The following PIGO variants were observed in gnomAD, a reference collection of about 807,000 sequenced individuals.
PIGO encodes the protein GPI ethanolamine phosphate transferase 3, catalytic subunit.
PIGO carries 66 observed loss-of-function variants against 86.9 expected under a neutral mutation model. That is an observed-to-expected ratio of 0.76 (90% CI 0.62 to 0.93). The LOEUF (loss-of-function observed/expected upper bound fraction) is 0.93. Ranked by LOEUF, PIGO falls within the 40% of genes least tolerant of loss-of-function variation. The pLI is 0.00. For synonymous variants in PIGO, 570 were observed against 556.4 expected (o/e 1.02, Z -0.34); for missense variants, 1,202 against 1,359.1 (o/e 0.88, Z 1.82).
rs1311786665 is a variant in PIGO at position 35,090,651 on chromosome 9, T to C, written c.2669A>G (p.Gln890Arg). The C allele has an allele frequency of 1.2e-6, 2 of 1,614,124 alleles. No individual in the cohort carries two copies. The highest frequency in any genetic ancestry group is 2.2e-5 in the South Asian group (2 of 91,084). The change falls in exon 8 of 11, where the codon CAG becomes CGG. Residue 890 changes from glutamine to arginine, a missense_variant. Gln to Arg is a conservative substitution (Grantham distance 43). Coordinates refer to ENST00000378617, the MANE Select transcript of PIGO (RefSeq NM_032634.4). ...TTPGPFTVPW[Q>R]AVSAWALMAT... ...CATGAGGGCCCAAGCCGAGACTGCC[T>C]GCCATGGCACAGTAAAAGGACCTGG...
intron 9 of PIGO, chr9:35,089,817 T>C (rs1386467382): frequency 7.1e-6 from 10 of 1,402,852 alleles, no homozygotes; most frequent in Non-Finnish European, 7.4e-6. Flanking sequence ...TGTCCACTGA[T>C]AGAGTAATCC....
In PIGO at chr9:35,092,631, G is replaced by A. The variant is rs777439274; in HGVS notation, c.1256C>T (p.Ala419Val). Reference sequence around the variant, plus strand: ...CTCAGCAATCACAGTCGGCAGTGTCGCCTCAGCCCCCTTGGGGCTCTGGAG... The same window carrying A: ...CTCAGCAATCACAGTCGGCAGTGTCACCTCAGCCCCCTTGGGGCTCTGGAG... The part of the protein sequence containing the change: ...WLLQSPKGAE[A>V]TLPTVIAELQ... Residue 419 changes from alanine (A) to valine (V), a missense_variant, in exon 7 of 11, where the codon GCG becomes GTG. Coordinates refer to ENST00000378617, the MANE Select transcript of PIGO (RefSeq NM_032634.4). 8.7e-6 allele frequency: 14 copies of A among 1,614,104 alleles called. No individual in the cohort carries two copies. The highest frequency in any genetic ancestry group is 1.1e-5 in the South Asian group (1 of 91,094).
chr9:35,091,445 CCT>C lies in PIGO; in HGVS notation c.2440_2441del (p.Arg814AspfsTer151). 1.4e-5 allele frequency: 22 copies of C among 1,614,204 alleles called. No homozygotes were observed. Among genetic ancestry groups the C allele is most frequent in the Non-Finnish European group, 1.8e-5 (21 of 1,180,030 alleles). On this transcript the variant is annotated frameshift_variant, in exon 7 of 11. Coordinates refer to ENST00000378617, the MANE Select transcript of PIGO (RefSeq NM_032634.4). LOFTEE classifies it high-confidence loss of function. ...CAGTCAGGGGACCCTGAGATTTGGT[CCT>C]CTCTAACCGGCCCCGGAACTCCTCC... ...MQEEFRGRLE[R>X]TKSQGPLTVA...
chr9:35,095,327 A>G lies in PIGO; in HGVS notation c.239T>C (p.Phe80Ser). The change falls in exon 2 of 11, where the codon TTT becomes TCT. Residue 80 changes from phenylalanine (F) to serine (S), a missense_variant. Physicochemically the swap from Phe to Ser is radical, Grantham distance 155. Coordinates refer to ENST00000378617, the MANE Select transcript of PIGO (RefSeq NM_032634.4). ...VVLVLIDALR[F>S]DFAQPQHSHV... ...TGAATGCTGGGGCTGGGCGAAGTCAAATCGCAGAGCATCTATCAGCACCAA... is the reference window on the plus strand; with the variant it reads ...TGAATGCTGGGGCTGGGCGAAGTCAGATCGCAGAGCATCTATCAGCACCAA... 6.2e-7 allele frequency: 1 copy of G among 1,614,170 alleles called. No individual in the cohort carries two copies. The highest frequency in any genetic ancestry group is 2.2e-5 in the East Asian group (1 of 44,866).
rs1242402206 is a variant in PIGO at position 35,091,558 on chromosome 9, T to G, written c.2329A>C (p.Arg777=). 6.2e-7 allele frequency: 1 copy of G among 1,614,122 alleles called. No homozygotes were observed. The highest frequency in any genetic ancestry group is 2.2e-5 in the East Asian group (1 of 44,878). The part of the protein sequence containing the change: ...VKAGAGAPRT[R]TVLTPFSGPP... The stretch of plus-strand genomic sequence containing the variant: ...CCTGAGAAGGGAGTGAGGACAGTCC[T>G]GGTCCTTGGAGCGCCTGCCCCAGCC... Residue 777 remains arginine, a synonymous_variant, in exon 7 of 11, where the codon AGG becomes CGG. Coordinates refer to ENST00000378617, the MANE Select transcript of PIGO (RefSeq NM_032634.4).
At chr9:35,093,298 G>T in intron 5 of PIGO, 89 bp from the exon 6 acceptor site, 3 of 1,568,608 alleles carry the variant, frequency 1.9e-6, no homozygotes, top group Non-Finnish European at 2.6e-6. Context: ...GGTAAGAAAT[G>T]AGAGTGGAGG....
Position 35,091,380 on chromosome 9 carries a change from A to G in PIGO, c.2507T>C (p.Met836Thr). 1 of 1,614,238 alleles carries G rather than the reference A, an allele frequency of 6.2e-7. No homozygotes were observed. Among genetic ancestry groups the G allele is most frequent in the Non-Finnish European group, 8.5e-7 (1 of 1,180,038 alleles). Residue 836 changes from methionine (M) to threonine (T), a missense_variant, in exon 7 of 11, where the codon ATG becomes ACG. Coordinates refer to ENST00000378617, the MANE Select transcript of PIGO (RefSeq NM_032634.4). ...YQLGSVYSAAMVTALTLLAFP... is the reference protein window; with the variant it reads ...YQLGSVYSAATVTALTLLAFP... The stretch of plus-strand genomic sequence containing the variant: ...GGCCAACAGGGTGAGGGCTGTGACC[A>G]TAGCAGCTGAGTAGACACTCCCCAA...
At chr9:35,090,378 C>T in intron 8 of PIGO, 88 bp downstream of exon 8, 1 of 1,548,254 alleles carries the variant, frequency 6.5e-7, no homozygotes, top group Non-Finnish European at 8.8e-7. Flanking sequence ...TCCAACAAAC[C>T]CATATCTCTC....
In PIGO at chr9:35,088,833, C is replaced by T; in HGVS notation, c.*259G>A. On this transcript the variant is annotated 3_prime_UTR_variant, in exon 11 of 11. Coordinates refer to ENST00000378617, the MANE Select transcript of PIGO (RefSeq NM_032634.4). ...GTGCTGGGATTATAGGTGCAAGTCA[C>T]CACGCCCGGCCTATTTTATTCCACT... 2.5e-6 allele frequency: 1 copy of T among 393,412 alleles called. No homozygotes were observed. The highest frequency in any genetic ancestry group is 4.6e-6 in the Non-Finnish European group (1 of 216,096). The allele number at this position is 393,412 out of a possible 1,614,324, so 24.4% of individuals were successfully genotyped here.
chr9:35,089,967 C>T, intron 9 of PIGO, 99 bp downstream of exon 9: 4 of 1,497,122 alleles, frequency 2.7e-6, no homozygotes, highest in Non-Finnish European at 3.6e-6. Flanking sequence ...TTATGTGAAA[C>T]TCAGTCAAGG....
chr9:35,094,150 T>C, intron 3 of PIGO, 66 bp downstream of exon 3: 6 of 1,555,978 alleles, frequency 3.9e-6, no homozygotes, highest in Non-Finnish European at 4.3e-6. Flanking sequence ...GGCTCAGAAT[T>C]TGTGGACTAA....
chr9:35,096,052 G>A (rs187523737), intron 1 of PIGO, 103 bp downstream of exon 1: 230 of 156,418 alleles, frequency 1.5e-3, no homozygotes, highest in Non-Finnish European at 2.5e-3. Context: ...GAGGGGTAGA[G>A]CATAGGAACG....
intron 2 of PIGO, 68 bp from the exon 3 acceptor site, chr9:35,094,427 G>GGCCC: frequency 6.5e-7 from 1 of 1,549,816 alleles, no homozygotes; most frequent in Admixed American, 2.2e-5. Context: ...GAGGAAAAGA[G>GGCCC]GCCCTTTAAA....
chr9:35,095,812 G>C, intron 1 of PIGO: 1 of 404,162 alleles, frequency 2.5e-6, no homozygotes, highest in Non-Finnish European at 4.3e-6. Context: ...TGAGGAGTTC[G>C]AGACCAGCCT....
In PIGO at chr9:35,091,601, A is replaced by G. The variant is rs1410272147; in HGVS notation, c.2286T>C (p.Pro762=). ...CCCCAGCCTTCACCAGCACTGTCAC[A>G]GGCTTCCAGAGCAGCAGCGCGAGCC... ...ASGLALLLWK[P]VTVLVKAGAG... is the part of the protein sequence containing the mutation. Residue 762 remains proline (P), a synonymous_variant, in exon 7 of 11, where the codon CCT becomes CCC. Transcript: ENST00000378617. The G allele has an allele frequency of 3.1e-6, 5 of 1,613,728 alleles. No homozygotes were observed. The highest frequency in any genetic ancestry group is 4.2e-6 in the Non-Finnish European group (5 of 1,180,032).
intron 7 of PIGO, 75 bp from the exon 8 acceptor site, chr9:35,090,747 ACTC>A (rs748073093): frequency 9.5e-6 from 13 of 1,367,330 alleles, no homozygotes; most frequent in Non-Finnish European, 1.0e-5. Context: ...ACAATCATAT[ACTC>A]CTACTACTTC....
chr9:35,093,706 G>A, intron 4 of PIGO, 126 bp from the exon 5 acceptor site: 1 of 1,414,098 alleles, frequency 7.1e-7, no homozygotes, highest in South Asian at 1.4e-5. Flanking sequence ...TAGACCTTTG[G>A]CAAAGAGACA....
At position 35,090,253 on chromosome 9, in the gene PIGO, G is replaced by A. The variant is rs1206877233; in HGVS notation, c.2882C>T (p.Pro961Leu). The change falls in exon 9 of 11, where the codon CCT becomes CTT. Residue 961 changes from proline (P) to leucine (L), a missense_variant. Coordinates refer to ENST00000378617, the MANE Select transcript of PIGO (RefSeq NM_032634.4). ...AVGCPLLLLW[P>L]FLCESQGLRK... ...CAGCCCTTGACTCTCACACAGGAAAGGCCAGAGCAGGAGCAGTGGGCAACC... is the reference window on the plus strand; with the variant it reads ...CAGCCCTTGACTCTCACACAGGAAAAGCCAGAGCAGGAGCAGTGGGCAACC... 6.2e-7 allele frequency: 1 copy of A among 1,614,128 alleles called. No individual in the cohort carries two copies. Among genetic ancestry groups the A allele is most frequent in the Non-Finnish European group, 8.5e-7 (1 of 1,180,022 alleles).
At chr9:35,090,442 A>G (rs775519531) in intron 8 of PIGO, 24 bp downstream of exon 8, 18 of 1,597,480 alleles carry the variant, frequency 1.1e-5, no homozygotes, top group East Asian at 2.2e-5. Context: ...AAACAATGGA[A>G]GCAAGTGAAG....
Sources: allele counts gnomAD v4.1 joint callset, GRCh38; gene constraint gnomAD v4.1.1; transcripts MANE v1.5; gene names NCBI Gene and HGNC (gene_info 2026-07-23, HGNC 2026-07-21).